USH2A: variants seen among roughly 807,000 people sequenced by gnomAD.
The protein encoded by USH2A is usherin, also known as Usher syndrome 2A (autosomal recessive, mild).
USH2A carries 443 observed loss-of-function variants against 538.9 expected under a neutral mutation model. That is an observed-to-expected ratio of 0.82 (90% CI 0.76 to 0.89). The LOEUF is 0.89. Ranked by LOEUF, USH2A falls within the 40% of genes least tolerant of loss-of-function variation. The probability of loss-of-function intolerance (pLI) is 0.00; values close to 1 mark genes in which losing one functional copy is unlikely to be tolerated. For missense variants in USH2A, 6,633 were observed against 6,324.8 expected (o/e 1.05, Z -1.65); for synonymous variants, 2,413 against 2,273.5 (o/e 1.06, Z -1.75).
At chr1:215,758,446 G>T (rs1660876799) in intron 58 of USH2A, 149 bp downstream of exon 58, 2 of 896,344 alleles carry the variant, frequency 2.2e-6, no homozygotes, top group South Asian at 3.2e-5. Context: ...TATACACTTA[G>T]AAGTGTGGTT....
intron 30 of USH2A, among the ~76,000 whole-genome samples, chr1:216,056,647 G>A (rs542304986): frequency 6.6e-6 from 1 of 152,134 alleles, no homozygotes; most frequent in South Asian, 2.1e-4. Context: ...TGTGTTAAGA[G>A]GTTCAAATTT....
chr1:215,658,058 C>T (rs534609379), intron 64 of USH2A, among the ~76,000 whole-genome samples: 11 of 151,486 alleles, frequency 7.3e-5, no homozygotes, highest in Non-Finnish European at 1.5e-4. Flanking sequence ...CTCAGCCTCC[C>T]GAGTAGCCTG....
In USH2A at chr1:215,879,052, T is replaced by A; in HGVS notation, c.8270A>T (p.Tyr2757Phe). 1 of 1,614,050 alleles carries A rather than the reference T, an allele frequency of 6.2e-7. No homozygotes were observed. Among genetic ancestry groups the A allele is most frequent in the Non-Finnish European group, 8.5e-7 (1 of 1,179,950 alleles). Residue 2757 changes from tyrosine (Y) to phenylalanine (F), a missense_variant, in exon 42 of 72, where the codon TAT becomes TTT. Physicochemically the swap from Tyr to Phe is conservative, Grantham distance 22 (BLOSUM62 3). Coordinates refer to ENST00000307340, the MANE Select transcript of USH2A (RefSeq NM_206933.4). Reference protein sequence around the residue: ...PLIQNGDILSYEIHMPDPHIT... With the variant: ...PLIQNGDILSFEIHMPDPHIT... ...GTGAGGGTCAGGCATGTGAATCTCA[T>A]AGCTAAGTATGTCTCCGTTCTGGAT...
intron 20 of USH2A, among the ~76,000 whole-genome samples, chr1:216,182,365 T>A (rs528112296): frequency 4.6e-5 from 7 of 152,168 alleles, no homozygotes; most frequent in African/African-American, 1.7e-4. Context: ...ATTATGAAGC[T>A]ATAATTGTGT....
intron 50 of USH2A, among the ~76,000 whole-genome samples, chr1:215,791,678 T>C (rs1406154550): frequency 6.6e-6 from 1 of 152,216 alleles, no homozygotes; most frequent in Admixed American, 6.5e-5. Flanking sequence ...TTTATAATTT[T>C]AGTGGTTTTA....
chr1:216,165,895 T>G (rs2034157597), intron 21 of USH2A, among the ~76,000 whole-genome samples: 1 of 151,962 alleles, frequency 6.6e-6, no homozygotes, highest in Non-Finnish European at 1.5e-5. Flanking sequence ...TCTGAGATTT[T>G]GGTACACACA....
chr1:216,359,398 C>T (rs2038448798), intron 4 of USH2A, among the ~76,000 whole-genome samples: 2 of 151,924 alleles, frequency 1.3e-5, no homozygotes, highest in African/African-American at 2.4e-5. Context: ...TATAAGATTC[C>T]TATGAATTAT....
At chr1:215,940,481 C>A (rs1666606097) in intron 37 of USH2A, among the ~76,000 whole-genome samples, 1 of 151,810 alleles carries the variant, frequency 6.6e-6, no homozygotes, top group Non-Finnish European at 1.5e-5. Flanking sequence ...GTGTTTCTTC[C>A]AGATTCCATT....
At chr1:215,720,550 A>T (rs1659626264) in intron 61 of USH2A, among the ~76,000 whole-genome samples, 1 of 152,208 alleles carries the variant, frequency 6.6e-6, no homozygotes, top group Non-Finnish European at 1.5e-5. Context: ...ATCCAGCATG[A>T]TAGGTCAAGC....
At chr1:216,089,253 C>T in intron 22 of USH2A, 114 bp from the exon 23 acceptor site, 1 of 1,131,894 alleles carries the variant, frequency 8.8e-7, no homozygotes, top group South Asian at 1.3e-5. Flanking sequence ...CTGATACAAG[C>T]ATGCATACAT....
At chr1:216,192,439 C>G (rs192722515) in intron 19 of USH2A, among the ~76,000 whole-genome samples, 2 of 152,034 alleles carry the variant, frequency 1.3e-5, no homozygotes, top group East Asian at 3.9e-4. Flanking sequence ...TGCCTGTAAT[C>G]CCAGTATTTT....
At chr1:215,885,956 T>C (rs1388366302) in intron 41 of USH2A, among the ~76,000 whole-genome samples, 1 of 152,216 alleles carries the variant, frequency 6.6e-6, no homozygotes, top group Admixed American at 6.5e-5. Flanking sequence ...GTATATTACA[T>C]AGTTATTTGT....
At position 216,246,813 on chromosome 1, in the gene USH2A, A is replaced by G; in HGVS notation, c.2581T>C (p.Cys861Arg). 2 of 1,614,158 alleles carry G rather than the reference A, an allele frequency of 1.2e-6. No homozygotes were observed. Among genetic ancestry groups the G allele is most frequent in the Non-Finnish European group, 1.7e-6 (2 of 1,179,994 alleles). ...GGACATTGTCCTGTTGATTTGTTACACAGCAGAGAGCCATTTATTGTCCCA... is the reference window on the plus strand; with the variant it reads ...GGACATTGTCCTGTTGATTTGTTACGCAGCAGAGAGCCATTTATTGTCCCA... ...KTGTINGSLL[C>R]NKSTGQCPCK... Residue 861 changes from cysteine (C) to arginine (R), a missense_variant, in exon 13 of 72, where the codon TGT (cysteine) becomes CGT (arginine). By Grantham distance (180) the Cys-to-Arg change is radical. Transcript: ENST00000307340.
rs2102619937 is a variant in USH2A, at chr1:215,624,279, A to G, written c.*1502T>C. ...GGCAAACTTTGTCTAGGAGTTGGTC[A>G]GTCTGAGGAGCTGCTCTCTCACAGA... is the stretch of plus-strand genomic sequence containing the variant. On this transcript the variant is annotated 3_prime_UTR_variant, in exon 72 of 72. Transcript: ENST00000307340. 1 of 152,318 alleles carries G rather than the reference A, an allele frequency of 6.6e-6. No homozygotes were observed. Among genetic ancestry groups the G allele is most frequent in the South Asian group, 2.1e-4 (1 of 4,824 alleles). The allele number at this position is 152,318 out of a possible 1,614,324, so 9.4% of individuals were successfully genotyped here. A position where few individuals can be genotyped will look rare whatever the true frequency, so the allele number is the denominator to read the frequency against.
intron 38 of USH2A, among the ~76,000 whole-genome samples, chr1:215,908,059 C>T (rs1374504314): frequency 1.3e-5 from 2 of 151,938 alleles, no homozygotes; most frequent in African/African-American, 4.8e-5. Context: ...ATCTGAAATA[C>T]TACTTTAGAG....
rs727503726 is a variant in USH2A, at chr1:216,048,610, T to A, written c.6087A>T (p.Ala2029=). The A allele has an allele frequency of 9.9e-6, 16 of 1,614,014 alleles. No individual in the cohort carries two copies. The South Asian group carries it at 1.3e-4, about 13-fold the overall frequency. ...LTGLLPFKNY[A]VTLTACTLAG... ...CCAAAGTGCAAGCAGTTAGGGTTAC[T>A]GCATAGTTTTTGAAGGGTAGCAAGC... Residue 2029 remains alanine (A), a synonymous_variant, in exon 31 of 72, where the codon GCA becomes GCT. Coordinates refer to ENST00000307340, the MANE Select transcript of USH2A (RefSeq NM_206933.4).
chr1:215,681,434 T>A (rs1558051782), intron 61 of USH2A, among the ~76,000 whole-genome samples: 1 of 152,144 alleles, frequency 6.6e-6, no homozygotes, highest in East Asian at 1.9e-4. Context: ...TAGTAGGATA[T>A]TTACATTCAA....
At chr1:216,238,194 C>G (rs1441338831) in intron 13 of USH2A, among the ~76,000 whole-genome samples, 1 of 152,080 alleles carries the variant, frequency 6.6e-6, no homozygotes, top group East Asian at 1.9e-4. Flanking sequence ...GAGGCACTGC[C>G]CTATTAGTAC....
intron 32 of USH2A, among the ~76,000 whole-genome samples, chr1:216,013,857 C>T (rs1044209325): frequency 7.9e-5 from 12 of 152,252 alleles, no homozygotes; most frequent in East Asian, 1.9e-4. Flanking sequence ...TCTCTTCACA[C>T]GGACTCACAT....
Sources: allele counts gnomAD v4.1 joint callset (sites outside exome capture counted in the v4.1 genomes callset), GRCh38; gene constraint gnomAD v4.1.1; transcripts MANE v1.5; gene names NCBI Gene and HGNC (gene_info 2026-07-23, HGNC 2026-07-21).